The following REL variants were observed in gnomAD, a reference collection of about 807,000 sequenced individuals.
REL encodes REL proto-oncogene, NF-kB subunit, also known as proto-oncogene c-Rel.
Under a neutral mutation model 45.9 loss-of-function variants are expected in REL, and 15 were observed. The ratio of observed to expected loss-of-function variants is 0.33; its 90% CI spans 0.22 to 0.50. The LOEUF (loss-of-function observed/expected upper bound fraction) is 0.50. REL is among the 20% of genes least tolerant of loss of function. The probability of loss-of-function intolerance (pLI) is 0.98; values close to 1 mark genes in which losing one functional copy is unlikely to be tolerated. For missense variants in REL, 601 were observed against 715.2 expected, an observed-to-expected ratio of 0.84 and a Z score of 1.82; for synonymous variants, 239 against 242.1, an observed-to-expected ratio of 0.99 and a Z score of 0.12.
intron 3 of REL, chr2:60,899,614 C>G (rs1673443848): frequency 6.6e-6 from 1 of 152,354 alleles, no homozygotes; most frequent in African/African-American, 2.4e-5. Flanking sequence ...AGTATGGAGA[C>G]AGGCAGACAA....
rs1206197018 is a variant in REL at position 60,918,251 on chromosome 2, G to C, written c.596G>C (p.Arg199Thr). 13 of 1,609,528 alleles carry C rather than the reference G, an allele frequency of 8.1e-6. No homozygotes were observed. Among genetic ancestry groups the C allele is most frequent in the Non-Finnish European group, 1.1e-5 (13 of 1,176,946 alleles). The change falls in exon 6 of 10, where the codon AGA becomes ACA. Residue 199 changes from arginine (R) to threonine (T), a missense_variant. Around this residue, in one of 4 missense-constraint regions of REL, gnomAD observed 241 missense variants for 347.0 expected, o/e 0.69. Transcript: ENST00000394479. ...CRVNKNCGSV[R>T]GGDEIFLLCD... The stretch of plus-strand genomic sequence containing the variant: ...GTAAACAAGAATTGTGGAAGTGTCA[G>C]AGGAGGAGATGAAATATTTCTACTT...
chr2:60,886,286 A>C (rs1408992062), intron 1 of REL, among the ~76,000 whole-genome samples: 1 of 152,212 alleles, frequency 6.6e-6, no homozygotes, highest in Non-Finnish European at 1.5e-5. Flanking sequence ...GTACATCCCC[A>C]GTATGAACTC....
At chr2:60,904,540 C>T (rs1415676278) in intron 4 of REL, among the ~76,000 whole-genome samples, 1 of 151,194 alleles carries the variant, frequency 6.6e-6, no homozygotes, top group Non-Finnish European at 1.5e-5. Context: ...CATTGGACTC[C>T]AACCTGGGCA....
At chr2:60,900,913 C>A in intron 3 of REL, 79 bp from the exon 4 acceptor site, 3 of 1,174,210 alleles carry the variant, frequency 2.6e-6, no homozygotes, top group Non-Finnish European at 3.7e-6. Flanking sequence ...ATGATAACTT[C>A]AGTATTGCTA....
intron 4 of REL, among the ~76,000 whole-genome samples, chr2:60,915,254 A>T (rs889015783): frequency 6.6e-6 from 1 of 152,208 alleles, no homozygotes. Context: ...CTACAAATTT[A>T]TCTTTTTTGC....
rs552467770 is a variant in REL, at chr2:60,910,489, A to C, written c.395-6388A>C. On this transcript the variant is annotated intron_variant, in intron 4 of 9. Coordinates refer to ENST00000394479, the MANE Select transcript of REL (RefSeq NM_001291746.2). ...CAAAAAAAAAACAAAAAACAAAAAA[A>C]AAAAAAACATAAAAAGGAAGGAGAA... 9.3e-5 allele frequency among the ~76,000 whole-genome samples: 14 copies of C among 150,696 alleles called. No homozygotes were observed. The South Asian group carries it at 2.7e-3, about 29-fold the overall frequency.
At chr2:60,887,428 GTCA>G (rs1163287406) in intron 1 of REL, among the ~76,000 whole-genome samples, 1 of 151,796 alleles carries the variant, frequency 6.6e-6, no homozygotes, top group Non-Finnish European at 1.5e-5. Flanking sequence ...AGATTTTTTA[GTCA>G]TTCATTCAAT....
chr2:60,882,456 C>G (rs1023126716), intron 1 of REL, among the ~76,000 whole-genome samples: 1 of 152,106 alleles, frequency 6.6e-6, no homozygotes, highest in South Asian at 2.1e-4. Flanking sequence ...GGGTGGATAA[C>G]CAGAGGTCAG....
At chr2:60,897,845 A>G (rs1259004153) in intron 3 of REL, among the ~76,000 whole-genome samples, 1 of 148,956 alleles carries the variant, frequency 6.7e-6, no homozygotes, top group East Asian at 2.0e-4. Flanking sequence ...TGGGCAACAG[A>G]GCGAGATTGT....
At position 60,925,147 on chromosome 2, in the gene REL, C is replaced by T. The variant is rs1674238472; in HGVS notation, c.*2612C>T. ...AATTATCATTATGCTAAGTAATTAACTTTACCTAGTTTGTTTTACAACTAG... is the reference window on the plus strand; with the variant it reads ...AATTATCATTATGCTAAGTAATTAATTTTACCTAGTTTGTTTTACAACTAG... On this transcript the variant is annotated 3_prime_UTR_variant, in exon 10 of 10. Transcript: ENST00000394479. 5.0e-6 allele frequency: 1 copy of T among 199,598 alleles called. No individual in the cohort carries two copies. The highest frequency in any genetic ancestry group is 6.0e-5 in the Admixed American group (1 of 16,584). 12.4% of individuals were successfully genotyped at this position (199,598 alleles called of 1,614,324 possible).
At position 60,894,540 on chromosome 2, in the gene REL, T is replaced by A. The variant is rs1558793136; in HGVS notation, c.297T>A (p.Pro99=). Reference sequence around the variant, plus strand: ...CAGAATTTGGACAAGAACGCAGACCTTTGTTGTAAGTACACAGTTACAGAC... The same window carrying A: ...CAGAATTTGGACAAGAACGCAGACCATTGTTGTAAGTACACAGTTACAGAC... The part of the protein sequence containing the change: ...YEAEFGQERR[P]LFFQNLGIRC... Residue 99 remains proline, a synonymous_variant, in exon 3 of 10, where the codon CCT becomes CCA. Coordinates refer to ENST00000394479, the MANE Select transcript of REL (RefSeq NM_001291746.2). The A allele has an allele frequency of 6.9e-6, 11 of 1,593,142 alleles. No individual in the cohort carries two copies. In the South Asian group the frequency reaches 1.3e-4, roughly 18 times the overall value.
rs1003184352 is a variant in REL, at chr2:60,900,887, A to G, written c.303-105A>G. 6.7e-5 allele frequency: 61 copies of G among 912,116 alleles called. No homozygotes were observed. In the South Asian group the frequency reaches 6.7e-4, roughly 10 times the overall value. The allele number at this position is 912,116 out of a possible 1,614,324, so 56.5% of individuals were successfully genotyped here. ...ATTGGAAGCACGTTCATGCTTTGGT[A>G]TGTACAACTGACAGCATGATAACTT... On this transcript the variant is annotated intron_variant, in intron 3 of 9. Coordinates refer to ENST00000394479, the MANE Select transcript of REL (RefSeq NM_001291746.2).
At position 60,929,181 on chromosome 2, in the gene REL, G is replaced by C. The variant is rs1349899312; in HGVS notation, c.*6646G>C. 2 of 150,848 alleles carry C rather than the reference G, an allele frequency of 1.3e-5. No individual in the cohort carries two copies. Among genetic ancestry groups the C allele is most frequent in the Non-Finnish European group, 1.5e-5 (1 of 67,452 alleles). 9.3% of individuals were successfully genotyped at this position (150,848 alleles called of 1,614,324 possible). ...AAAAGTCAGGAGACAACAGGTGCTGGAGAGGATGTGGAGAAATAGGAACAC... is the reference window on the plus strand; with the variant it reads ...AAAAGTCAGGAGACAACAGGTGCTGCAGAGGATGTGGAGAAATAGGAACAC... On this transcript the variant is annotated 3_prime_UTR_variant, in exon 10 of 10. Coordinates refer to ENST00000394479, the MANE Select transcript of REL (RefSeq NM_001291746.2).
rs1279086575 is a variant in REL at position 60,901,033 on chromosome 2, T to G, written c.344T>G (p.Val115Gly). 1 of 1,610,404 alleles carries G rather than the reference T, an allele frequency of 6.2e-7. No individual in the cohort carries two copies. Among genetic ancestry groups the G allele is most frequent in the Non-Finnish European group, 8.5e-7 (1 of 1,178,966 alleles). Residue 115 changes from valine to glycine, a missense_variant, in exon 4 of 10, where the codon GTA becomes GGA. Transcript: ENST00000394479. ...ATTCGATGTGTGAAGAAAAAAGAAG[T>G]AAAAGAAGCTATTATTACAAGAATA... ...LGIRCVKKKE[V>G]KEAIITRIKA... is the part of the protein sequence containing the mutation.
rs1395513943 is a variant in REL at position 60,931,026 on chromosome 2, TTATTATC to T, written c.*8494_*8500del. The T allele has an allele frequency of 6.6e-6, 1 of 152,364 alleles. No individual in the cohort carries two copies. The highest frequency in any genetic ancestry group is 1.9e-4 in the East Asian group (1 of 5,340). 9.4% of individuals were successfully genotyped at this position (152,364 alleles called of 1,614,324 possible). On this transcript the variant is annotated 3_prime_UTR_variant, in exon 10 of 10. Coordinates refer to ENST00000394479, the MANE Select transcript of REL (RefSeq NM_001291746.2). ...TCTTGCCCATTTTTCCTCTTAAACT[TTATTATC>T]TAATCAAACATAGTTTTCCATAAGA...
intron 4 of REL, among the ~76,000 whole-genome samples, chr2:60,904,173 T>G (rs529689250): frequency 6.6e-6 from 1 of 151,532 alleles, no homozygotes; most frequent in South Asian, 2.1e-4. Flanking sequence ...GAGGCCGAGG[T>G]GGGGGGATCA....
intron 3 of REL, among the ~76,000 whole-genome samples, chr2:60,898,026 G>A (rs1673398270): frequency 6.6e-6 from 1 of 152,038 alleles, no homozygotes; most frequent in African/African-American, 2.4e-5. Flanking sequence ...CCTCATCCAG[G>A]TGTACACATT....
intron 4 of REL, among the ~76,000 whole-genome samples, chr2:60,905,359 G>T (rs1023578695): frequency 2.0e-5 from 3 of 152,164 alleles, no homozygotes; most frequent in African/African-American, 7.2e-5. Flanking sequence ...CTCCCAAAGT[G>T]CTGGGATTAC....
chr2:60,881,882 G>T, intron 1 of REL, 32 bp downstream of exon 1: 1 of 1,434,532 alleles, frequency 7.0e-7, no homozygotes. Flanking sequence ...GCCTGGGCCG[G>T]GGGAAAGGAG....
Sources: allele counts gnomAD v4.1 joint callset (sites outside exome capture counted in the v4.1 genomes callset), GRCh38; gene constraint gnomAD v4.1.1; regional missense constraint gnomAD v4.1.1; transcripts MANE v1.5; gene names NCBI Gene and HGNC (gene_info 2026-07-23, HGNC 2026-07-21).